Variants in OPCML observed in about 807,000 individuals in gnomAD.
OPCML encodes opioid-binding protein/cell adhesion molecule.
A neutral mutation model predicts 37.8 loss-of-function variants in OPCML; 13 were observed. The observed-to-expected ratio is 0.34, with a 90% CI of 0.22 to 0.55. OPCML has a LOEUF of 0.55. Ranked by LOEUF, OPCML falls within the 20% of genes least tolerant of loss-of-function variation. OPCML has a pLI of 0.91. For synonymous variants in OPCML, 176 were observed against 168.8 expected, an observed-to-expected ratio of 1.04 and a Z score of -0.33; for missense variants, 341 against 435.6, an observed-to-expected ratio of 0.78 and a Z score of 1.93.
chr11:133,041,184 G>T (rs573455048), intron 1 of OPCML, among the ~76,000 whole-genome samples: 3 of 152,154 alleles, frequency 2.0e-5, no homozygotes, highest in African/African-American at 7.2e-5. Flanking sequence ...AACATGTTTG[G>T]TTTTAATCTG....
chr11:133,097,925 T>C (rs67088660), intron 1 of OPCML, among the ~76,000 whole-genome samples: 13,614 of 152,240 alleles, frequency 0.089, 854 homozygotes, highest in African/African-American at 0.18. Flanking sequence ...CAGTGAATTC[T>C]ACTACATTTT....
intron 1 of OPCML, among the ~76,000 whole-genome samples, chr11:133,215,963 G>T (rs1308559638): frequency 6.6e-6 from 1 of 152,140 alleles, no homozygotes; most frequent in African/African-American, 2.4e-5. Context: ...TTCCTTCAGG[G>T]CCTTGTAACT....
At chr11:133,446,862 T>C (rs1946484367) in intron 1 of OPCML, among the ~76,000 whole-genome samples, 1 of 152,242 alleles carries the variant, frequency 6.6e-6, no homozygotes, top group Non-Finnish European at 1.5e-5. Context: ...TGCTGAAGCA[T>C]GTTTCAGTAG....
chr11:133,256,121 T>C (rs1408194802), intron 1 of OPCML, among the ~76,000 whole-genome samples: 5 of 152,230 alleles, frequency 3.3e-5, no homozygotes, highest in Non-Finnish European at 4.4e-5. Flanking sequence ...TCTAAAGTTT[T>C]CCAAAGTTTA....
At chr11:133,405,614 G>A (rs1348937434) in intron 1 of OPCML, among the ~76,000 whole-genome samples, 1 of 152,142 alleles carries the variant, frequency 6.6e-6, no homozygotes, top group Non-Finnish European at 1.5e-5. Flanking sequence ...CCTGAACTGT[G>A]TTGTTTCTTT....
chr11:132,909,784 C>T (rs1442531540), intron 2 of OPCML, among the ~76,000 whole-genome samples: 1 of 152,142 alleles, frequency 6.6e-6, no homozygotes, highest in Non-Finnish European at 1.5e-5. Context: ...ATATATGCAG[C>T]GGATGTGGCA....
intron 3 of OPCML, among the ~76,000 whole-genome samples, chr11:132,601,788 T>C (rs1005140701): frequency 1.3e-5 from 2 of 152,168 alleles, no homozygotes; most frequent in African/African-American, 4.8e-5. Flanking sequence ...TTTCTTTATA[T>C]TATTTTTCTC....
At chr11:132,436,627 T>A in intron 6 of OPCML, 32 bp downstream of exon 6, 1 of 1,612,200 alleles carries the variant, frequency 6.2e-7, no homozygotes, top group Non-Finnish European at 8.5e-7. Context: ...CAGCTCTGCT[T>A]CAGAACTGTC....
At chr11:132,791,243 A>G (rs1937887708) in intron 2 of OPCML, among the ~76,000 whole-genome samples, 1 of 152,266 alleles carries the variant, frequency 6.6e-6, no homozygotes, top group Middle Eastern at 3.4e-3. Context: ...TCTTTTGGCC[A>G]CTTCACCTGA....
At chr11:132,599,081 T>C (rs1937645156) in intron 3 of OPCML, among the ~76,000 whole-genome samples, 1 of 152,016 alleles carries the variant, frequency 6.6e-6, no homozygotes, top group Admixed American at 6.6e-5. Flanking sequence ...GAGTTCAAGA[T>C]GAGCCTGGCC....
In OPCML at chr11:133,173,652, C is replaced by T. The variant is rs530968063; in HGVS notation, c.62-230642G>A. On this transcript the variant is annotated intron_variant, in intron 1 of 7. Transcript: ENST00000524381. The surrounding 1 kb of genome is among the most constrained non-coding windows in gnomAD (Gnocchi z 7.8). ...ATTAGCAGTAACGCGATGAGGCTAACGTAAGGGTAGACACCTCCCTGCAGA... is the reference window on the plus strand; with the variant it reads ...ATTAGCAGTAACGCGATGAGGCTAATGTAAGGGTAGACACCTCCCTGCAGA... 7.2e-5 allele frequency among the ~76,000 whole-genome samples: 11 copies of T among 152,278 alleles called. No individual in the cohort carries two copies. Among genetic ancestry groups the T allele is most frequent in the Admixed American group, 1.3e-4 (2 of 15,284 alleles).
intron 1 of OPCML, among the ~76,000 whole-genome samples, chr11:133,064,180 G>C (rs915418406): frequency 2.6e-5 from 4 of 152,212 alleles, no homozygotes; most frequent in Non-Finnish European, 4.4e-5. Context: ...CCCAGCCGAG[G>C]GAGGGAAGGA....
intron 4 of OPCML, among the ~76,000 whole-genome samples, chr11:132,455,759 T>C (rs1223088298): frequency 2.5e-5 from 3 of 119,918 alleles, no homozygotes; most frequent in African/African-American, 6.7e-5. Context: ...ACCTTCTTTG[T>C]CAAATTCATT....
chr11:132,874,023 C>T (rs966213275), intron 2 of OPCML, among the ~76,000 whole-genome samples: 1 of 152,156 alleles, frequency 6.6e-6, no homozygotes, highest in Non-Finnish European at 1.5e-5. Flanking sequence ...GGATCAGGTG[C>T]CTGCCATAAC....
intron 1 of OPCML, among the ~76,000 whole-genome samples, chr11:133,154,403 GTTAGAATTTTTTATTT>G (rs1565476285): frequency 6.6e-6 from 1 of 151,950 alleles, no homozygotes; most frequent in African/African-American, 2.4e-5. Context: ...TTCTCAGGTC[GTTAGAATTTTTTATTT>G]TTGTAACAGG....
intron 2 of OPCML, among the ~76,000 whole-genome samples, chr11:132,778,205 T>G (rs2136142063): frequency 6.6e-6 from 1 of 152,320 alleles, no homozygotes; most frequent in South Asian, 2.1e-4. Context: ...GTGTTCTCTG[T>G]TGGTATCAAT....
intron 1 of OPCML, among the ~76,000 whole-genome samples, chr11:133,373,871 A>C (rs1718806670): frequency 6.6e-6 from 1 of 152,160 alleles, no homozygotes; most frequent in African/African-American, 2.4e-5. Context: ...GTTTTCCATC[A>C]TATGCATGTA....
At chr11:133,294,975 C>T (rs2136549485) in intron 1 of OPCML, among the ~76,000 whole-genome samples, 1 of 152,026 alleles carries the variant, frequency 6.6e-6, no homozygotes, top group African/African-American at 2.4e-5. Flanking sequence ...AGGCACCTGC[C>T]ACCATGCCCA....
chr11:132,489,853 CT>C (rs796411283), intron 4 of OPCML, among the ~76,000 whole-genome samples: 8 of 152,238 alleles, frequency 5.3e-5, no homozygotes, highest in African/African-American at 9.6e-5. Context: ...CCTACACCCC[CT>C]GACAGGCCCC....
Sources: gnomAD v4.1 joint callset for allele counts (sites outside exome capture counted in the v4.1 genomes callset) on GRCh38, gnomAD v4.1.1 for gene constraint, Gnocchi (gnomAD v3.1) non-coding constraint, MANE v1.5 for transcripts, NCBI Gene and HGNC (gene_info 2026-07-23, HGNC 2026-07-21) for gene names.